The following CHD1L variants were observed in gnomAD, a reference collection of about 807,000 sequenced individuals.
CHD1L encodes the protein chromodomain helicase DNA binding protein 1 like.
In CHD1L, 118 loss-of-function variants were observed where a neutral mutation model predicts 115.9. The ratio of observed to expected loss-of-function variants is 1.02; its 90% CI spans 0.88 to 1.19. CHD1L has a LOEUF of 1.19. Among genes scored for constraint, CHD1L ranks in the 50% most tolerant of loss-of-function variants. The probability of loss-of-function intolerance (pLI) is 0.00; values close to 1 mark genes in which losing one functional copy is unlikely to be tolerated. For synonymous variants in CHD1L, 411 were observed against 387.1 expected (o/e 1.06, Z -0.72); for missense variants, 1,179 against 1,065.3 (o/e 1.11, Z -1.49).
Position 147,244,452 on chromosome 1 carries a change from ATTC to A in CHD1L, c.127+1626_127+1628del, listed in dbSNP as rs1337267579. On this transcript the variant is annotated intron_variant, in intron 1 of 22. Transcript: ENST00000369258. Reference sequence around the variant, plus strand: ...GAATAAACTAGTGTTATGAGAAACTATTCTTCATGAGTTGGTTAAAAAAATTCT... The same window carrying A: ...GAATAAACTAGTGTTATGAGAAACTATTCATGAGTTGGTTAAAAAAATTCT... Among the ~76,000 whole-genome samples, 3 of 148,412 alleles carry A rather than the reference ATTC, an allele frequency of 2.0e-5. No individual in the cohort carries two copies. The Admixed American group carries it at 2.0e-4, about 10-fold the overall frequency.
chr1:147,236,790 GC>G, the CHD1L span, among the ~76,000 whole-genome samples: 2 of 152,196 alleles, frequency 1.3e-5, no homozygotes, highest in Non-Finnish European at 2.9e-5. Flanking sequence ...TGAGTCTGGG[GC>G]TTTTACAGGC....
chr1:147,219,741 T>TA, the CHD1L span, among the ~76,000 whole-genome samples: 36 of 132,906 alleles, frequency 2.7e-4, no homozygotes, highest in Middle Eastern at 4.2e-3. Flanking sequence ...CCCAAAGGAT[T>TA]AAAAAAAAAA....
At chr1:147,278,088 G>A (rs1679229931) in intron 14 of CHD1L, among the ~76,000 whole-genome samples, 1 of 152,082 alleles carries the variant, frequency 6.6e-6, no homozygotes, top group African/African-American at 2.4e-5. Flanking sequence ...GTTACTTTCT[G>A]ACTCTAATGT....
chr1:147,245,324 C>G (rs189516858), intron 1 of CHD1L, among the ~76,000 whole-genome samples: 5 of 152,310 alleles, frequency 3.3e-5, no homozygotes, highest in African/African-American at 1.2e-4. Flanking sequence ...TCCCACTTAG[C>G]TACTACCTCA....
At chr1:147,203,445 C>A in the CHD1L span, 1 of 838,800 alleles carries the variant, frequency 1.2e-6, no homozygotes, top group East Asian at 2.4e-5. Flanking sequence ...CAGCTTCCAA[C>A]ATGTCCGTTA....
chr1:147,293,693 AGAT>A lies in CHD1L; in HGVS notation c.2478_2480del (p.Ile827del). 1 of 1,614,092 alleles carries A rather than the reference AGAT, an allele frequency of 6.2e-7. No homozygotes were observed. Among genetic ancestry groups the A allele is most frequent in the Non-Finnish European group, 8.5e-7 (1 of 1,179,940 alleles). ...GCAGCCCTAGAAGAGGGCCTGAAGAAGATATTTTTAGCAGCAAAAAAGAAGAAA... is the reference window on the plus strand; with the variant it reads ...GCAGCCCTAGAAGAGGGCCTGAAGAAATTTTTAGCAGCAAAAAAGAAGAAA... On this transcript the variant is annotated inframe_deletion, in exon 21 of 23. Transcript: ENST00000369258.
At chr1:147,259,373 C>G (rs978036655) in intron 5 of CHD1L, 3 of 152,652 alleles carry the variant, frequency 2.0e-5, no homozygotes, top group African/African-American at 7.2e-5. Flanking sequence ...ACACCACTGT[C>G]TATCTTGATT....
At chr1:147,291,673 A>C in intron 20 of CHD1L, 121 bp downstream of exon 20, 1 of 744,888 alleles carries the variant, frequency 1.3e-6, no homozygotes. Context: ...TGCCATAACA[A>C]AAAGACACAG....
intron 16 of CHD1L, 82 bp downstream of exon 16, chr1:147,284,581 T>C: frequency 2.4e-6 from 3 of 1,267,646 alleles, no homozygotes; most frequent in Non-Finnish European, 3.2e-6. Flanking sequence ...TGGCATCGTT[T>C]TGTTCTCTTA....
intron 3 of CHD1L, among the ~76,000 whole-genome samples, chr1:147,255,604 A>C (rs1261627494): frequency 6.6e-6 from 1 of 152,166 alleles, no homozygotes; most frequent in Non-Finnish European, 1.5e-5. Flanking sequence ...AGACCTTTTT[A>C]GATCTGATCC....
At chr1:147,212,506 G>A in the CHD1L span, 176 of 1,613,722 alleles carry the variant, frequency 1.1e-4, 1 homozygote, top group African/African-American at 2.1e-3. Context: ...TCTCGACTGT[G>A]GAAGTACTGC....
intron 1 of CHD1L, among the ~76,000 whole-genome samples, chr1:147,251,589 C>A (rs587724413): frequency 6.6e-6 from 1 of 151,962 alleles, no homozygotes; most frequent in Non-Finnish European, 1.5e-5. Flanking sequence ...AGTGCAGTGG[C>A]GCGATCTCGG....
At chr1:147,283,421 A>G (rs1481561873) in intron 15 of CHD1L, among the ~76,000 whole-genome samples, 2 of 152,202 alleles carry the variant, frequency 1.3e-5, no homozygotes, top group Non-Finnish European at 2.9e-5. Context: ...TCCCGATTCA[A>G]TCATTATCTT....
At position 147,256,025 on chromosome 1, in the gene CHD1L, A is replaced by G. The variant is rs929481560; in HGVS notation, c.462+98A>G. The G allele has an allele frequency of 9.4e-5, 68 of 725,852 alleles. No homozygotes were observed. The African/African-American group carries it at 1.1e-3, about 12-fold the overall frequency. 45.0% of individuals were successfully genotyped at this position (725,852 alleles called of 1,614,324 possible). A position where few individuals can be genotyped will look rare whatever the true frequency, so the allele number is the denominator to read the frequency against. On this transcript the variant is annotated intron_variant, in intron 4 of 22. Coordinates refer to ENST00000369258, the MANE Select transcript of CHD1L (RefSeq NM_004284.6). ...TATTTAAGTTTTGTTGAGAGCACAC[A>G]CTTTTCTGGGCAGGGAGTCTACCTT...
Position 147,291,499 on chromosome 1 carries a change from G to T in CHD1L, c.2338G>T (p.Val780Phe). ...TACCTCAGACCTGAGTTTGGGAGGT[G>T]TCCTTTTATTTCCTGTTGATGATAA... The part of the protein sequence containing the change: ...GKMKDLSLGG[V>F]LLFPVDDKES... The change falls in exon 20 of 23, where the codon GTC (valine) becomes TTC (phenylalanine). Residue 780 changes from valine to phenylalanine, a missense_variant. Val to Phe is a conservative substitution (Grantham distance 50). Transcript: ENST00000369258. The T allele has an allele frequency of 6.2e-7, 1 of 1,613,924 alleles. No homozygotes were observed. Among genetic ancestry groups the T allele is most frequent in the Non-Finnish European group, 8.5e-7 (1 of 1,179,872 alleles).
At chr1:147,256,482 CAG>C in intron 4 of CHD1L, 47 bp from the exon 5 acceptor site, 3 of 1,513,610 alleles carry the variant, frequency 2.0e-6, no homozygotes, top group Non-Finnish European at 2.8e-6. Context: ...TTATCAATAT[CAG>C]AGTTTATCAA....
the CHD1L span, among the ~76,000 whole-genome samples, chr1:147,191,828 C>T: frequency 3.9e-5 from 6 of 151,982 alleles, no homozygotes; most frequent in South Asian, 2.1e-4. Flanking sequence ...TGTAGACATG[C>T]GGCATTATTT....
intron 15 of CHD1L, among the ~76,000 whole-genome samples, chr1:147,280,490 T>C (rs782489254): frequency 6.6e-6 from 1 of 152,172 alleles, no homozygotes; most frequent in Non-Finnish European, 1.5e-5. Flanking sequence ...TGCAAACATC[T>C]TCTTCTTTAT....
chr1:147,294,987 A>G (rs1277543262), intron 22 of CHD1L, among the ~76,000 whole-genome samples: 2 of 152,348 alleles, frequency 1.3e-5, no homozygotes, highest in East Asian at 3.9e-4. Flanking sequence ...TGAAGTCATG[A>G]TCTACTTTAG....
Sources: gnomAD v4.1 joint callset for allele counts (sites outside exome capture counted in the v4.1 genomes callset) on GRCh38, gnomAD v4.1.1 for gene constraint, MANE v1.5 for transcripts, NCBI Gene and HGNC (gene_info 2026-07-23, HGNC 2026-07-21) for gene names.